The following PAPPA variants were observed in gnomAD, a reference collection of about 807,000 sequenced individuals.
PAPPA encodes pappalysin 1, also known as pappalysin-1.
PAPPA carries 60 observed loss-of-function variants against 164.0 expected under a neutral mutation model. The observed-to-expected ratio is 0.37, with a 90% CI of 0.30 to 0.45. The LOEUF is 0.45. Ranked by LOEUF, PAPPA falls within the 20% of genes least tolerant of loss-of-function variation. The probability of loss-of-function intolerance (pLI) is 1.00; values close to 1 mark genes in which losing one functional copy is unlikely to be tolerated. For synonymous variants in PAPPA, 875 were observed against 814.1 expected, an observed-to-expected ratio of 1.07 and a Z score of -1.27; for missense variants, 1,782 against 2,087.3, an observed-to-expected ratio of 0.85 and a Z score of 2.85.
intron 21 of PAPPA, among the ~76,000 whole-genome samples, chr9:116,388,635 G>A (rs1433468007): frequency 6.6e-6 from 1 of 152,180 alleles, no homozygotes; most frequent in Non-Finnish European, 1.5e-5. Context: ...ATTTGAATTA[G>A]ATTCCTGTCT....
intron 10 of PAPPA, among the ~76,000 whole-genome samples, chr9:116,327,365 GA>G (rs949580042): frequency 3.3e-5 from 5 of 152,184 alleles, no homozygotes. Context: ...TGGGAAGGGG[GA>G]AAAGGTTAAG....
At chr9:116,359,452 C>T (rs1287622454) in intron 17 of PAPPA, among the ~76,000 whole-genome samples, 1 of 152,188 alleles carries the variant, frequency 6.6e-6, no homozygotes, top group Non-Finnish European at 1.5e-5. Flanking sequence ...TTCACCTTAG[C>T]ATGAAGAATT....
intron 12 of PAPPA, among the ~76,000 whole-genome samples, chr9:116,334,271 G>A (rs1180641303): frequency 1.5e-4 from 22 of 144,794 alleles, no homozygotes; most frequent in Non-Finnish European, 1.2e-4. Context: ...CAGGGCTCTT[G>A]AGTGAGGCAA....
intron 7 of PAPPA, among the ~76,000 whole-genome samples, chr9:116,239,045 C>T (rs1156568584): frequency 2.6e-5 from 4 of 152,112 alleles, no homozygotes; most frequent in Admixed American, 6.6e-5. Context: ...TTTTTCTTTC[C>T]TGACTCAACC....
intron 21 of PAPPA, among the ~76,000 whole-genome samples, chr9:116,387,293 C>T (rs1846827679): frequency 6.6e-6 from 1 of 152,182 alleles, no homozygotes; most frequent in Non-Finnish European, 1.5e-5. Flanking sequence ...TTTAGGATTT[C>T]CTAACTGAAC....
chr9:116,392,040 G>C (rs1184560279), intron 21 of PAPPA, among the ~76,000 whole-genome samples: 1 of 152,186 alleles, frequency 6.6e-6, no homozygotes, highest in Admixed American at 6.5e-5. Context: ...CAGGCCACCT[G>C]ACAGCCCACT....
chr9:116,335,621 A>G (rs1846051663), intron 13 of PAPPA, among the ~76,000 whole-genome samples: 1 of 152,144 alleles, frequency 6.6e-6, no homozygotes, highest in Non-Finnish European at 1.5e-5. Flanking sequence ...ACTGCATGAC[A>G]TCACTCCCTC....
At chr9:116,387,525 C>A (rs1346303885) in intron 21 of PAPPA, among the ~76,000 whole-genome samples, 3 of 152,086 alleles carry the variant, frequency 2.0e-5, no homozygotes, top group Admixed American at 2.0e-4. Context: ...AGACACACAC[C>A]ATCACACCAT....
At chr9:116,165,685 G>C (rs1024226445) in intron 1 of PAPPA, among the ~76,000 whole-genome samples, 1 of 152,130 alleles carries the variant, frequency 6.6e-6, no homozygotes, top group Non-Finnish European at 1.5e-5. Context: ...TGAATTATTT[G>C]AAATTCCCCC....
chr9:116,305,480 C>T (rs1456315113), intron 10 of PAPPA, among the ~76,000 whole-genome samples: 1 of 152,048 alleles, frequency 6.6e-6, no homozygotes, highest in Non-Finnish European at 1.5e-5. Context: ...CTCACACACA[C>T]ACACACACAC....
At chr9:116,285,424 G>T (rs1380624752) in intron 9 of PAPPA, among the ~76,000 whole-genome samples, 3 of 151,912 alleles carry the variant, frequency 2.0e-5, no homozygotes, top group African/African-American at 7.2e-5. Flanking sequence ...ACCTCGGCCA[G>T]GATTTGCATT....
At chr9:116,164,029 C>T (rs1359369721) in intron 1 of PAPPA, among the ~76,000 whole-genome samples, 1 of 152,174 alleles carries the variant, frequency 6.6e-6, no homozygotes, top group African/African-American at 2.4e-5. Flanking sequence ...CCAGTCATCA[C>T]TTACTGGGTG....
rs74935472 is a variant in PAPPA, at chr9:116,194,011, G to A, written c.1478+5795G>A. On this transcript the variant is annotated intron_variant, in intron 2 of 21. Coordinates refer to ENST00000328252, the MANE Select transcript of PAPPA (RefSeq NM_002581.5). ...CTGGTGGGCTGGCCAGACATGTAGT[G>A]ATAATAGGGTAAATAAATTGAAGTG... is the stretch of plus-strand genomic sequence containing the variant. 6.1e-3 allele frequency among the ~76,000 whole-genome samples: 936 copies of A among 152,314 alleles called. 31 individuals are homozygous for A. The East Asian group carries it at 0.11, about 17-fold the overall frequency.
At chr9:116,244,507 T>C (rs1444474903) in intron 7 of PAPPA, among the ~76,000 whole-genome samples, 4 of 152,174 alleles carry the variant, frequency 2.6e-5, no homozygotes, top group African/African-American at 7.2e-5. Flanking sequence ...GTAGGAGAGC[T>C]GAATAATAGT....
chr9:116,343,572 A>C (rs1198230213), intron 13 of PAPPA, among the ~76,000 whole-genome samples: 1 of 152,144 alleles, frequency 6.6e-6, no homozygotes, highest in African/African-American at 2.4e-5. Flanking sequence ...AATGATGTGT[A>C]AGTTATCTTA....
chr9:116,374,905 A>G (rs1846629585), intron 19 of PAPPA, among the ~76,000 whole-genome samples: 1 of 152,238 alleles, frequency 6.6e-6, no homozygotes. Context: ...GCTTAATTGA[A>G]AGAAAGGAAT....
At chr9:116,186,112 T>G (rs1193340953) in intron 1 of PAPPA, among the ~76,000 whole-genome samples, 1 of 152,090 alleles carries the variant, frequency 6.6e-6, no homozygotes, top group East Asian at 1.9e-4. Flanking sequence ...CTTAGCACAA[T>G]GCCTGGCCTG....
At chr9:116,366,249 C>T (rs559361015) in intron 18 of PAPPA, among the ~76,000 whole-genome samples, 1 of 152,186 alleles carries the variant, frequency 6.6e-6, no homozygotes, top group South Asian at 2.1e-4. Context: ...TTTCAGATGA[C>T]CTCAGGATGT....
chr9:116,294,775 A>C (rs78256888), intron 9 of PAPPA, among the ~76,000 whole-genome samples: 28 of 152,366 alleles, frequency 1.8e-4, no homozygotes, highest in Non-Finnish European at 3.1e-4. Context: ...ATAAACAGCT[A>C]AACTTAAAAT....
Sources: gnomAD v4.1 joint callset for allele counts (sites outside exome capture counted in the v4.1 genomes callset) on GRCh38, gnomAD v4.1.1 for gene constraint, MANE v1.5 for transcripts, NCBI Gene and HGNC (gene_info 2026-07-23, HGNC 2026-07-21) for gene names.